GALNT14: variants seen among roughly 807,000 people sequenced by gnomAD.
The protein encoded by GALNT14 is polypeptide N-acetylgalactosaminyltransferase 14.
GALNT14 carries 60 observed loss-of-function variants against 77.5 expected under a neutral mutation model. The ratio of observed to expected loss-of-function variants is 0.77; its 90% CI spans 0.63 to 0.96. The LOEUF is 0.96. Among genes scored for constraint, GALNT14 ranks in the 40% least tolerant of loss-of-function variants. The pLI, the probability that GALNT14 is intolerant of heterozygous loss-of-function variation, is 0.00. For synonymous variants in GALNT14, 280 were observed against 281.7 expected (o/e 0.99, Z 0.06); for missense variants, 710 against 731.0 (o/e 0.97, Z 0.33).
At chr2:31,041,234 G>A (rs550030952) in intron 1 of GALNT14, among the ~76,000 whole-genome samples, 116 of 152,302 alleles carry the variant, frequency 7.6e-4, no homozygotes, top group African/African-American at 2.7e-3. Context: ...CCAGGGGCAG[G>A]AAGAGTACAG....
chr2:31,116,836 G>A (rs559264590), intron 1 of GALNT14, among the ~76,000 whole-genome samples: 12 of 152,200 alleles, frequency 7.9e-5, no homozygotes, highest in African/African-American at 2.9e-4. Flanking sequence ...CCTGAGGTCA[G>A]GTGACCAGCC....
rs576585027 is a variant in GALNT14 at position 31,100,404 on chromosome 2, C to T, written c.129+37554G>A. Among the ~76,000 whole-genome samples the T allele has an allele frequency of 1.1e-4, 16 of 152,136 alleles. No individual in the cohort carries two copies. The East Asian group carries it at 2.9e-3, about 28-fold the overall frequency. On this transcript the variant is annotated intron_variant, in intron 1 of 14. Transcript: ENST00000349752. ...TGTGAAAAGTATTAATTTATGTTTA[C>T]TAATTATTGCACATTGTTAGTTTAT...
intron 1 of GALNT14, among the ~76,000 whole-genome samples, chr2:31,091,915 G>T (rs1373073628): frequency 6.6e-6 from 1 of 152,094 alleles, no homozygotes; most frequent in Admixed American, 6.5e-5. Flanking sequence ...AATGTGGGTG[G>T]GCACCATCCA....
At chr2:30,893,627 T>C in the GALNT14 span, among the ~76,000 whole-genome samples, 2 of 152,172 alleles carry the variant, frequency 1.3e-5, no homozygotes, top group Admixed American at 1.3e-4. Context: ...TTTCAAGAAA[T>C]AGCAGAATAA....
intron 6 of GALNT14, among the ~76,000 whole-genome samples, chr2:30,954,394 CTT>C (rs1334521777): frequency 1.3e-5 from 2 of 152,204 alleles, no homozygotes; most frequent in Non-Finnish European, 2.9e-5. Flanking sequence ...GAATTTCACT[CTT>C]GTTGCCTCAG....
intron 1 of GALNT14, among the ~76,000 whole-genome samples, chr2:31,071,731 TTC>T (rs879914217): frequency 1.3e-5 from 2 of 152,236 alleles, no homozygotes; most frequent in Admixed American, 6.5e-5. Context: ...TGCCTCTGGA[TTC>T]TGACAGCTCT....
intron 2 of GALNT14, among the ~76,000 whole-genome samples, chr2:30,979,529 C>T (rs535428869): frequency 6.6e-6 from 1 of 152,188 alleles, no homozygotes; most frequent in East Asian, 1.9e-4. Flanking sequence ...TCTGGCCAGG[C>T]CACGGTTATC....
the GALNT14 span, among the ~76,000 whole-genome samples, chr2:30,888,250 A>G: frequency 6.6e-6 from 1 of 152,204 alleles, no homozygotes; most frequent in Non-Finnish European, 1.5e-5. Context: ...CCACTCTAGC[A>G]GCATCTTGTG....
intron 2 of GALNT14, among the ~76,000 whole-genome samples, chr2:30,978,723 C>A (rs547885388): frequency 1.3e-5 from 2 of 152,290 alleles, no homozygotes; most frequent in South Asian, 4.1e-4. Flanking sequence ...GCTTTGGGCC[C>A]CTATTCACTC....
At chr2:31,049,875 G>C (rs1673726617) in intron 1 of GALNT14, among the ~76,000 whole-genome samples, 1 of 152,124 alleles carries the variant, frequency 6.6e-6, no homozygotes, top group South Asian at 2.1e-4. Context: ...ATGTGCCTTG[G>C]TTTAAATAAT....
intron 3 of GALNT14, among the ~76,000 whole-genome samples, chr2:30,960,688 T>C (rs1439998378): frequency 3.3e-5 from 5 of 152,228 alleles, no homozygotes; most frequent in African/African-American, 1.2e-4. Context: ...CCAAGGGACC[T>C]AGCCTGGCCT....
intron 1 of GALNT14, among the ~76,000 whole-genome samples, chr2:31,107,892 C>T (rs1677636313): frequency 6.6e-6 from 1 of 152,158 alleles, no homozygotes; most frequent in Non-Finnish European, 1.5e-5. Flanking sequence ...GGGCTGCTCT[C>T]CCATAGACCA....
chr2:30,992,805 C>T (rs749914136), intron 2 of GALNT14, 33 bp downstream of exon 2: 3 of 1,604,492 alleles, frequency 1.9e-6, no homozygotes, highest in Middle Eastern at 1.7e-4. Context: ...CTTTTGACTG[C>T]GGGGGTAACA....
intron 1 of GALNT14, among the ~76,000 whole-genome samples, chr2:31,130,785 C>CGT (rs61450243): frequency 1.1e-5 from 1 of 90,464 alleles, no homozygotes; most frequent in Non-Finnish European, 2.3e-5. Flanking sequence ...TGTGTGTGTG[C>CGT]GCGCGCACCT....
intron 1 of GALNT14, among the ~76,000 whole-genome samples, chr2:31,052,556 A>G (rs1673945059): frequency 6.6e-6 from 1 of 152,080 alleles, no homozygotes; most frequent in African/African-American, 2.4e-5. Flanking sequence ...CTCAGCCAAG[A>G]CACCCCTTCC....
At chr2:30,970,885 C>A (rs1449973115) in intron 2 of GALNT14, among the ~76,000 whole-genome samples, 1 of 152,172 alleles carries the variant, frequency 6.6e-6, no homozygotes, top group Non-Finnish European at 1.5e-5. Context: ...TCACAACCGC[C>A]CCCACTCCAC....
the GALNT14 span, among the ~76,000 whole-genome samples, chr2:30,893,466 T>C: frequency 6.6e-6 from 1 of 152,234 alleles, no homozygotes; most frequent in Non-Finnish European, 1.5e-5. Context: ...CTATTTGGTT[T>C]AGCACATAAA....
chr2:31,050,026 C>T (rs1484740146), intron 1 of GALNT14, among the ~76,000 whole-genome samples: 1 of 152,070 alleles, frequency 6.6e-6, no homozygotes, highest in Non-Finnish European at 1.5e-5. Context: ...CGTGTGGGTT[C>T]CCAGATTCTC....
intron 2 of GALNT14, among the ~76,000 whole-genome samples, chr2:30,980,765 G>A (rs1485521859): frequency 3.3e-5 from 5 of 152,254 alleles, no homozygotes; most frequent in African/African-American, 4.8e-5. Flanking sequence ...AGCTGGGAAA[G>A]CACTTCGTGA....
Sources: gnomAD v4.1 joint callset for allele counts (sites outside exome capture counted in the v4.1 genomes callset) on GRCh38, gnomAD v4.1.1 for gene constraint, MANE v1.5 for transcripts, NCBI Gene and HGNC (gene_info 2026-07-23, HGNC 2026-07-21) for gene names.